The following C1QTNF7 variants were observed in gnomAD, a reference collection of about 807,000 sequenced individuals.
C1QTNF7 encodes the protein C1q and TNF related 7.
A neutral mutation model predicts 19.6 loss-of-function variants in C1QTNF7; 15 were observed. The observed-to-expected ratio is 0.76, with a 90% CI of 0.51 to 1.18. C1QTNF7 has a LOEUF of 1.18. Among genes scored for constraint, C1QTNF7 ranks in the 50% most tolerant of loss-of-function variants. The pLI is 0.00. For synonymous variants in C1QTNF7, 142 were observed against 137.5 expected (o/e 1.03, Z -0.23); for missense variants, 324 against 359.7 (o/e 0.90, Z 0.80).
intron 1 of C1QTNF7, among the ~76,000 whole-genome samples, chr4:15,356,491 G>A (rs1418150064): frequency 6.6e-6 from 1 of 152,142 alleles, no homozygotes; most frequent in Non-Finnish European, 1.5e-5. Context: ...TCTTTATCCA[G>A]TCAATCATTG....
At chr4:15,374,430 C>A in intron 1 of C1QTNF7, 1 of 388,608 alleles carries the variant, frequency 2.6e-6, no homozygotes, top group Non-Finnish European at 3.5e-6. Context: ...TGCTATTTCC[C>A]AAATATGATT....
At chr4:15,441,096 C>G (rs1028468076) in intron 2 of C1QTNF7, among the ~76,000 whole-genome samples, 1 of 152,152 alleles carries the variant, frequency 6.6e-6, no homozygotes, top group Non-Finnish European at 1.5e-5. Flanking sequence ...GAGCCAAGAT[C>G]GCGCCATGAC....
chr4:15,350,150 G>A (rs1339041675), intron 1 of C1QTNF7, among the ~76,000 whole-genome samples: 1 of 101,814 alleles, frequency 9.8e-6, no homozygotes, highest in Non-Finnish European at 2.0e-5. Context: ...AGGGAAGGAG[G>A]AAAGAAGGGA....
At chr4:15,373,615 G>A (rs1459598391) in intron 1 of C1QTNF7, among the ~76,000 whole-genome samples, 1 of 152,184 alleles carries the variant, frequency 6.6e-6, no homozygotes, top group East Asian at 1.9e-4. Context: ...GGGCTCCCTT[G>A]GCTGTTAAGT....
chr4:15,408,835 T>G (rs1052218774), intron 1 of C1QTNF7, among the ~76,000 whole-genome samples: 13 of 152,200 alleles, frequency 8.5e-5, no homozygotes, highest in African/African-American at 2.4e-4. Flanking sequence ...ATGAACTGAA[T>G]GTGTGTGTCC....
chr4:15,397,718 T>C (rs925650710), intron 1 of C1QTNF7, among the ~76,000 whole-genome samples: 6 of 152,228 alleles, frequency 3.9e-5, no homozygotes, highest in African/African-American at 1.4e-4. Flanking sequence ...CTTATGAATG[T>C]GCTTTCTGAG....
Position 15,442,388 on chromosome 4 carries a change from C to T in C1QTNF7, c.459C>T (p.Gly153=). Residue 153 remains glycine, a synonymous_variant, in exon 3 of 3, where the codon GGC becomes GGT. Coordinates refer to ENST00000444304, the MANE Select transcript of C1QTNF7 (RefSeq NM_031911.5). ...TGCTCAAATCCGCCTTTTCTGTTGGCATCACAACCAGCTACCCAGAAGAAA... is the reference window on the plus strand; with the variant it reads ...TGCTCAAATCCGCCTTTTCTGTTGGTATCACAACCAGCTACCCAGAAGAAA... ...SIVLKSAFSV[G]ITTSYPEERL... 1 of 1,614,158 alleles carries T rather than the reference C, an allele frequency of 6.2e-7. No individual in the cohort carries two copies. Among genetic ancestry groups the T allele is most frequent in the Non-Finnish European group, 8.5e-7 (1 of 1,180,016 alleles).
At chr4:15,353,416 T>A (rs1015838405) in intron 1 of C1QTNF7, among the ~76,000 whole-genome samples, 6 of 152,192 alleles carry the variant, frequency 3.9e-5, no homozygotes, top group African/African-American at 1.4e-4. Flanking sequence ...TTTCAGCTCG[T>A]ATTTTCAGAT....
At chr4:15,441,870 A>C (rs1712771893) in intron 2 of C1QTNF7, among the ~76,000 whole-genome samples, 1 of 152,048 alleles carries the variant, frequency 6.6e-6, no homozygotes, top group Admixed American at 6.5e-5. Flanking sequence ...AAATACAAAA[A>C]ATTAGCTGGG....
upstream of C1QTNF7, among the ~76,000 whole-genome samples, chr4:15,426,955 G>A (rs561800120): frequency 5.2e-4 from 79 of 152,190 alleles, no homozygotes; most frequent in Non-Finnish European, 9.8e-4. Context: ...GACTTTATCT[G>A]ATTAAAATCT....
chr4:15,340,813 A>G (rs1716511619), intron 1 of C1QTNF7, among the ~76,000 whole-genome samples: 1 of 152,218 alleles, frequency 6.6e-6, no homozygotes, highest in South Asian at 2.1e-4. Flanking sequence ...CTCAACATTC[A>G]TTAATTCAAG....
At chr4:15,388,722 A>T (rs1015942092) in intron 1 of C1QTNF7, among the ~76,000 whole-genome samples, 2 of 152,206 alleles carry the variant, frequency 1.3e-5, no homozygotes, top group African/African-American at 2.4e-5. Flanking sequence ...TGAGACCAGG[A>T]TATGTGATGA....
upstream of C1QTNF7, among the ~76,000 whole-genome samples, chr4:15,426,327 G>A (rs890349482): frequency 2.6e-5 from 4 of 152,126 alleles, no homozygotes; most frequent in African/African-American, 9.7e-5. Context: ...GAAAATAACT[G>A]AGTGAAATAG....
At chr4:15,434,775 A>T (rs1712462888) in intron 1 of C1QTNF7, among the ~76,000 whole-genome samples, 1 of 152,158 alleles carries the variant, frequency 6.6e-6, no homozygotes, top group Admixed American at 6.5e-5. Flanking sequence ...AATTGAAGAG[A>T]CCTGCTGCCT....
chr4:15,402,497 G>A (rs1242436536), intron 1 of C1QTNF7, among the ~76,000 whole-genome samples: 1 of 152,086 alleles, frequency 6.6e-6, no homozygotes, highest in Non-Finnish European at 1.5e-5. Flanking sequence ...AAGCAACAGT[G>A]GGAATTATTT....
chr4:15,385,930 C>T (rs1040338579), intron 1 of C1QTNF7, among the ~76,000 whole-genome samples: 2 of 152,216 alleles, frequency 1.3e-5, no homozygotes, highest in African/African-American at 4.8e-5. Flanking sequence ...CACATCATAA[C>T]ACGATAATAA....
intron 1 of C1QTNF7, among the ~76,000 whole-genome samples, chr4:15,391,858 T>C (rs1194462945): frequency 6.6e-6 from 1 of 152,092 alleles, no homozygotes; most frequent in East Asian, 1.9e-4. Context: ...GCACCACTAT[T>C]TGGGCAGTTA....
chr4:15,445,152 G>T lies in C1QTNF7; in HGVS notation c.*2353G>T, dbSNP rs1344244501. 3 of 152,134 alleles carry T rather than the reference G, an allele frequency of 2.0e-5. No homozygotes were observed. Among genetic ancestry groups the T allele is most frequent in the Non-Finnish European group, 4.4e-5 (3 of 68,028 alleles). The allele number at this position is 152,134 out of a possible 1,614,324, so 9.4% of individuals were successfully genotyped here. ...CTTCTGAGTCAGGACATGTGTACAG[G>T]AGACCAAGAACAATGAGTATTAGAA... On this transcript the variant is annotated 3_prime_UTR_variant, in exon 3 of 3. Transcript: ENST00000444304.
chr4:15,353,647 T>C, intron 1 of C1QTNF7, among the ~76,000 whole-genome samples: 1 of 152,132 alleles, frequency 6.6e-6, no homozygotes, highest in Non-Finnish European at 1.5e-5. Flanking sequence ...TGTGTCTGGC[T>C]TGTGCCCTGG....
Sources: allele counts gnomAD v4.1 joint callset (sites outside exome capture counted in the v4.1 genomes callset), GRCh38; gene constraint gnomAD v4.1.1; transcripts MANE v1.5; gene names NCBI Gene and HGNC (gene_info 2026-07-23, HGNC 2026-07-21).